The following BCAS3 variants were observed in gnomAD, a reference collection of about 807,000 sequenced individuals.
The protein encoded by BCAS3 is BCAS3 microtubule associated cell migration factor.
BCAS3 carries 53 observed loss-of-function variants against 116.1 expected under a neutral mutation model. The observed-to-expected ratio is 0.46, with a 90% CI of 0.37 to 0.57. The LOEUF is 0.57. BCAS3 is among the 20% of genes least tolerant of loss of function. BCAS3 has a pLI of 0.00. For synonymous variants in BCAS3, 391 were observed against 408.2 expected (o/e 0.96, Z 0.51); for missense variants, 917 against 1,165.4 (o/e 0.79, Z 3.10).
At chr17:61,237,560 A>G (rs760353819) in intron 22 of BCAS3, among the ~76,000 whole-genome samples, 1 of 152,220 alleles carries the variant, frequency 6.6e-6, no homozygotes, top group Non-Finnish European at 1.5e-5. Context: ...TGCCACCTTT[A>G]AGAGCTGTAA....
At chr17:61,031,744 C>A (rs1371174266) in intron 16 of BCAS3, among the ~76,000 whole-genome samples, 1 of 152,012 alleles carries the variant, frequency 6.6e-6, no homozygotes, top group African/African-American at 2.4e-5. Flanking sequence ...AGGGTGAAAA[C>A]TCTTTTGACT....
At chr17:61,040,420 T>TA (rs2067409272) in intron 18 of BCAS3, among the ~76,000 whole-genome samples, 1 of 152,332 alleles carries the variant, frequency 6.6e-6, no homozygotes, top group East Asian at 1.9e-4. Flanking sequence ...CATTTTATTT[T>TA]AAAATATACA....
chr17:61,199,191 A>G lies in BCAS3; in HGVS notation c.2425+114627A>G, dbSNP rs2080675701. Among the ~76,000 whole-genome samples the G allele has an allele frequency of 6.6e-6, 1 of 152,006 alleles. No individual in the cohort carries two copies. Among genetic ancestry groups the G allele is most frequent in the South Asian group, 2.1e-4 (1 of 4,818 alleles). On this transcript the variant is annotated intron_variant, in intron 22 of 23. Coordinates refer to ENST00000407086, the MANE Select transcript of BCAS3 (RefSeq NM_017679.5). This position sits in a 1 kb window ranked among gnomAD's most constrained non-coding sequence, Gnocchi z 4.6. Reference sequence around the variant, plus strand: ...TGCCAGGAAGAAATTTCTTCCTTCTATTTCTTCTCCCTCTTTTTAGCTGTC... The same window carrying G: ...TGCCAGGAAGAAATTTCTTCCTTCTGTTTCTTCTCCCTCTTTTTAGCTGTC...
At chr17:61,135,120 T>G (rs1456200220) in intron 22 of BCAS3, among the ~76,000 whole-genome samples, 3 of 152,172 alleles carry the variant, frequency 2.0e-5, no homozygotes, top group Non-Finnish European at 4.4e-5. Context: ...TCATGCTTCT[T>G]ATAATGACAT....
chr17:61,125,086 T>C (rs1343880964), intron 22 of BCAS3, among the ~76,000 whole-genome samples: 1 of 152,246 alleles, frequency 6.6e-6, no homozygotes, highest in African/African-American at 2.4e-5. Context: ...CTTTAATTTT[T>C]AGTTTTGAAT....
At chr17:60,830,301 A>G (rs535648253) in intron 7 of BCAS3, among the ~76,000 whole-genome samples, 3 of 152,212 alleles carry the variant, frequency 2.0e-5, no homozygotes, top group African/African-American at 7.2e-5. Context: ...AACACTTTTA[A>G]ATAGTGTTTC....
intron 22 of BCAS3, among the ~76,000 whole-genome samples, chr17:61,298,110 A>G (rs1464003429): frequency 6.6e-6 from 1 of 152,138 alleles, no homozygotes; most frequent in Non-Finnish European, 1.5e-5. Context: ...CACTTTCAGC[A>G]TGATCCTTCT....
chr17:61,078,198 G>A (rs2072212053), intron 20 of BCAS3, 135 bp from the exon 21 acceptor site: 1 of 639,128 alleles, frequency 1.6e-6, no homozygotes, highest in Non-Finnish European at 2.7e-6. Flanking sequence ...TTTTAATTAT[G>A]GGTGTCCTAT....
intron 22 of BCAS3, among the ~76,000 whole-genome samples, chr17:61,230,132 AGTGT>A: frequency 2.1e-5 from 2 of 97,212 alleles, no homozygotes; most frequent in African/African-American, 7.9e-5. Flanking sequence ...CTCAAAAAAA[AGTGT>A]GTGTATACAC....
chr17:61,070,381 A>ATATATATATC (rs1555698500), intron 19 of BCAS3: 1 of 148,652 alleles, frequency 6.7e-6, no homozygotes, highest in East Asian at 1.4e-4. Flanking sequence ...ATATATATAT[A>ATATATATATC]TATATATATA....
chr17:61,084,935 C>G lies in BCAS3; in HGVS notation c.2425+371C>G, dbSNP rs1322373004. On this transcript the variant is annotated intron_variant, in intron 22 of 23. Transcript: ENST00000407086. This position sits in a 1 kb window ranked among gnomAD's most constrained non-coding sequence, Gnocchi z 5.5. The stretch of plus-strand genomic sequence containing the variant: ...CTCAACCTGTTGAGTATCAAAGTGC[C>G]TAATCTGTGGGAGTAGAGAGGAGAC... Among the ~76,000 whole-genome samples the G allele has an allele frequency of 6.6e-6, 1 of 152,128 alleles. No homozygotes were observed. Among genetic ancestry groups the G allele is most frequent in the East Asian group, 1.9e-4 (1 of 5,192 alleles).
intron 22 of BCAS3, among the ~76,000 whole-genome samples, chr17:61,100,515 T>C (rs886865753): frequency 6.6e-6 from 1 of 152,212 alleles, no homozygotes; most frequent in African/African-American, 2.4e-5. Flanking sequence ...TACTTTCTCA[T>C]GTGTTCTTAA....
Position 61,023,969 on chromosome 17 carries a change from G to A in BCAS3, c.1637+8068G>A, listed in dbSNP as rs2066048313. The stretch of plus-strand genomic sequence containing the variant: ...GAGTTTGAATATAGTAATTTGGGTT[G>A]CCTCTGTTAATACAGAGAATATTTC... On this transcript the variant is annotated intron_variant, in intron 16 of 23. Transcript: ENST00000407086. The surrounding 1 kb of genome is among the most constrained non-coding windows in gnomAD (Gnocchi z 4.8). 6.6e-6 allele frequency among the ~76,000 whole-genome samples: 1 copy of A among 152,122 alleles called. No individual in the cohort carries two copies. Among genetic ancestry groups the A allele is most frequent in the Non-Finnish European group, 1.5e-5 (1 of 68,012 alleles).
chr17:60,886,697 A>C (rs1224064598), intron 9 of BCAS3, among the ~76,000 whole-genome samples: 56 of 151,584 alleles, frequency 3.7e-4, no homozygotes, highest in Admixed American at 4.6e-4. Context: ...TGTTGGAATA[A>C]CCTGCCGTGT....
intron 12 of BCAS3, among the ~76,000 whole-genome samples, chr17:60,921,857 G>A (rs1302418055): frequency 6.6e-6 from 1 of 151,778 alleles, no homozygotes; most frequent in African/African-American, 2.4e-5. Context: ...AATTAGAGTG[G>A]CCATAGTAAT....
At chr17:60,852,880 A>G (rs1398494840) in intron 7 of BCAS3, among the ~76,000 whole-genome samples, 1 of 152,200 alleles carries the variant, frequency 6.6e-6, no homozygotes, top group East Asian at 1.9e-4. Context: ...TTCAAATACA[A>G]TTTGGCAGTT....
intron 6 of BCAS3, among the ~76,000 whole-genome samples, chr17:60,765,738 G>A (rs1317587154): frequency 2.6e-5 from 4 of 152,120 alleles, no homozygotes; most frequent in Non-Finnish European, 4.4e-5. Flanking sequence ...ATGTTGGCCT[G>A]CCTTGCTATG....
chr17:60,716,997 T>C (rs921090671), intron 5 of BCAS3, among the ~76,000 whole-genome samples: 1 of 152,090 alleles, frequency 6.6e-6, no homozygotes, highest in Non-Finnish European at 1.5e-5. Flanking sequence ...AGATAGATAA[T>C]AAATATGTAT....
At chr17:61,371,445 A>G (rs1463620532) in intron 23 of BCAS3, among the ~76,000 whole-genome samples, 6 of 152,194 alleles carry the variant, frequency 3.9e-5, no homozygotes, top group African/African-American at 1.4e-4. Context: ...GGGTTGAAGG[A>G]TAGCTTTGGT....
Sources: gnomAD v4.1 joint callset for allele counts (sites outside exome capture counted in the v4.1 genomes callset) on GRCh38, gnomAD v4.1.1 for gene constraint, Gnocchi (gnomAD v3.1) non-coding constraint, MANE v1.5 for transcripts, NCBI Gene and HGNC (gene_info 2026-07-23, HGNC 2026-07-21) for gene names.